Variants in PEBP4 observed in about 807,000 individuals in gnomAD.
PEBP4 encodes the protein phosphatidylethanolamine binding protein 4, also known as phosphatidylethanolamine-binding protein 4.
PEBP4 carries 22 observed loss-of-function variants against 23.9 expected under a neutral mutation model. That is an observed-to-expected ratio of 0.92 (90% confidence interval 0.66 to 1.31). The LOEUF (loss-of-function observed/expected upper bound fraction) is 1.31, where lower values mean the gene tolerates loss of function less well. Among genes scored for constraint, PEBP4 ranks in the 40% most tolerant of loss-of-function variants. The probability of loss-of-function intolerance (pLI) is 0.00; values close to 1 mark genes in which losing one functional copy is unlikely to be tolerated. For missense variants in PEBP4, 324 were observed against 281.7 expected, an observed-to-expected ratio of 1.15 and a Z score of -1.07; for synonymous variants, 112 against 99.3, an observed-to-expected ratio of 1.13 and a Z score of -0.76.
intron 3 of PEBP4, among the ~76,000 whole-genome samples, chr8:22,845,668 C>T (rs1341539160): frequency 1.3e-5 from 2 of 152,344 alleles, no homozygotes; most frequent in African/African-American, 2.4e-5. Context: ...CTGGGGGAAA[C>T]ACCTTGCCAT....
At chr8:22,805,108 G>A (rs912716392) in intron 4 of PEBP4, among the ~76,000 whole-genome samples, 2 of 152,204 alleles carry the variant, frequency 1.3e-5, no homozygotes, top group Admixed American at 6.5e-5. Flanking sequence ...TCACCAGAGA[G>A]GGAGCTCCTT....
At chr8:22,730,660 G>A (rs1429382294) in intron 4 of PEBP4, among the ~76,000 whole-genome samples, 1 of 152,218 alleles carries the variant, frequency 6.6e-6, no homozygotes, top group Non-Finnish European at 1.5e-5. Context: ...CTGTAGTTTT[G>A]AGCACTGCTC....
chr8:22,833,192 CCT>C (rs1807123605), intron 3 of PEBP4, among the ~76,000 whole-genome samples: 1 of 152,164 alleles, frequency 6.6e-6, no homozygotes. Flanking sequence ...CCATCATGTC[CCT>C]CTGTGTGTCT....
At chr8:22,720,373 GC>G (rs1804494688) in intron 6 of PEBP4, among the ~76,000 whole-genome samples, 1 of 152,218 alleles carries the variant, frequency 6.6e-6, no homozygotes, top group Admixed American at 6.5e-5. Context: ...TGGAAAGTGG[GC>G]AAGGCATTGC....
intron 6 of PEBP4, 117 bp from the exon 7 acceptor site, chr8:22,713,653 G>T: frequency 7.1e-7 from 1 of 1,414,014 alleles, no homozygotes; most frequent in Non-Finnish European, 9.7e-7. Context: ...TGATGCGATG[G>T]CCATGGGGCG....
At chr8:22,797,945 G>A (rs886265302) in intron 4 of PEBP4, among the ~76,000 whole-genome samples, 3 of 152,118 alleles carry the variant, frequency 2.0e-5, no homozygotes, top group South Asian at 2.1e-4. Context: ...GGAGGGAGGC[G>A]AGGAGAGTCT....
At chr8:22,739,976 G>A (rs1804955287) in intron 4 of PEBP4, among the ~76,000 whole-genome samples, 1 of 152,220 alleles carries the variant, frequency 6.6e-6, no homozygotes, top group African/African-American at 2.4e-5. Context: ...GTAGCAGCAG[G>A]TGGGAGTCAG....
intron 2 of PEBP4, among the ~76,000 whole-genome samples, chr8:22,923,999 C>T (rs915499240): frequency 1.3e-5 from 2 of 152,138 alleles, no homozygotes; most frequent in Admixed American, 6.5e-5. Flanking sequence ...GTGAGGATGA[C>T]AAAAAGACAC....
At chr8:22,841,482 C>T (rs746579808) in intron 3 of PEBP4, among the ~76,000 whole-genome samples, 12 of 152,226 alleles carry the variant, frequency 7.9e-5, no homozygotes, top group Non-Finnish European at 1.8e-4. Flanking sequence ...AAACAGCAAA[C>T]GGGTCCTTTC....
At chr8:22,771,764 G>A (rs936687863) in intron 4 of PEBP4, among the ~76,000 whole-genome samples, 1 of 152,154 alleles carries the variant, frequency 6.6e-6, no homozygotes, top group African/African-American at 2.4e-5. Flanking sequence ...GCAACACCTG[G>A]GCGTTACTGC....
intron 2 of PEBP4, among the ~76,000 whole-genome samples, chr8:22,921,833 T>C (rs955262993): frequency 1.3e-5 from 2 of 152,238 alleles, no homozygotes; most frequent in African/African-American, 4.8e-5. Context: ...GGTTTGTTTC[T>C]GCTGCAACTC....
At chr8:22,937,783 T>G in intron 1 of PEBP4, among the ~76,000 whole-genome samples, 1 of 100,512 alleles carries the variant, frequency 9.9e-6, no homozygotes. Context: ...CCCTCATATG[T>G]GTGTATGTGT....
chr8:22,853,869 A>C (rs1807592039), intron 3 of PEBP4, among the ~76,000 whole-genome samples: 1 of 152,254 alleles, frequency 6.6e-6, no homozygotes, highest in African/African-American at 2.4e-5. Context: ...AACAGATCAC[A>C]GGAGATGCAT....
At position 22,817,710 on chromosome 8, in the gene PEBP4, A is replaced by G. The variant is rs1303426773; in HGVS notation, c.284T>C (p.Val95Ala). The change falls in exon 4 of 7, where the codon GTG becomes GCG. Residue 95 changes from valine to alanine, a missense_variant. Val to Ala is a moderately conservative substitution (Grantham distance 64, BLOSUM62 0). Transcript: ENST00000256404. The part of the protein sequence containing the change: ...VDGATYILVM[V>A]DPDAPSRAEP... ...TGCTCTGCTAGGGGCATCTGGATCC[A>G]CCATCACCAGGATATAGGTTGCGCC... is the stretch of plus-strand genomic sequence containing the variant. The G allele has an allele frequency of 6.2e-7, 1 of 1,614,196 alleles. No individual in the cohort carries two copies. The highest frequency in any genetic ancestry group is 1.1e-5 in the South Asian group (1 of 91,090).
Position 22,863,131 on chromosome 8 carries a change from C to G in PEBP4, c.259-45396G>C, listed in dbSNP as rs1807816928. On this transcript the variant is annotated intron_variant, in intron 3 of 6. Transcript: ENST00000256404. ...CTGGGATTTAATACTGGAAAGTTGA[C>G]CCTGGATGCTGTTGGCAGTGAAAGG... Among the ~76,000 whole-genome samples the G allele has an allele frequency of 3.3e-5, 5 of 152,088 alleles. No individual in the cohort carries two copies. In the South Asian group the frequency reaches 1.0e-3, roughly 31 times the overall value.
intron 3 of PEBP4, among the ~76,000 whole-genome samples, chr8:22,825,080 C>T (rs939885669): frequency 1.9e-4 from 29 of 152,362 alleles, no homozygotes; most frequent in African/African-American, 6.5e-4. Flanking sequence ...TTGCAGATCT[C>T]TCTCAATGCA....
intron 4 of PEBP4, chr8:22,815,190 C>G (rs1297209210): frequency 6.6e-6 from 1 of 152,220 alleles, no homozygotes; most frequent in African/African-American, 2.4e-5. Context: ...GTGCTTTTCG[C>G]TTGAAAATTG....
At chr8:22,763,717 A>G (rs998146276) in intron 4 of PEBP4, among the ~76,000 whole-genome samples, 4 of 152,196 alleles carry the variant, frequency 2.6e-5, no homozygotes, top group Non-Finnish European at 5.9e-5. Context: ...TGCCTTCTCA[A>G]CCGAGCTCTT....
At chr8:22,836,635 G>A (rs1316035799) in intron 3 of PEBP4, among the ~76,000 whole-genome samples, 1 of 152,214 alleles carries the variant, frequency 6.6e-6, no homozygotes, top group African/African-American at 2.4e-5. Flanking sequence ...GTGTGCCAAG[G>A]GGTGTGGGCC....
Sources: allele counts gnomAD v4.1 joint callset (sites outside exome capture counted in the v4.1 genomes callset), GRCh38; gene constraint gnomAD v4.1.1; transcripts MANE v1.5; gene names NCBI Gene and HGNC (gene_info 2026-07-23, HGNC 2026-07-21).